ANK3: variants seen among roughly 807,000 people sequenced by gnomAD.
ANK3 encodes the protein ankyrin-3.
ANK3 carries 57 observed loss-of-function variants against 370.9 expected under a neutral mutation model. That is an observed-to-expected ratio of 0.15 (90% CI 0.12 to 0.19). The LOEUF (loss-of-function observed/expected upper bound fraction) is 0.19, where lower values mean the gene tolerates loss of function less well. ANK3 is among the 10% of genes least tolerant of loss of function. The probability of loss-of-function intolerance (pLI) is 1.00; values close to 1 mark genes in which losing one functional copy is unlikely to be tolerated. For missense variants in ANK3, 4,439 were observed against 5,302.1 expected (o/e 0.84, Z 5.06); for synonymous variants, 1,929 against 1,946.3 (o/e 0.99, Z 0.23).
intron 2 of ANK3, among the ~76,000 whole-genome samples, chr10:60,595,929 A>C (rs1306015531): frequency 6.6e-6 from 1 of 152,190 alleles, no homozygotes; most frequent in Admixed American, 6.5e-5. Flanking sequence ...CCAACAAGAA[A>C]GTAAAACAAA....
chr10:60,258,748 T>C, intron 7 of ANK3, among the ~76,000 whole-genome samples: 1 of 152,218 alleles, frequency 6.6e-6, no homozygotes, highest in Non-Finnish European at 1.5e-5. Context: ...TACAGTGCTA[T>C]AAAGAACTGC....
intron 1 of ANK3, among the ~76,000 whole-genome samples, chr10:60,653,105 T>G (rs1564493051): frequency 6.6e-6 from 1 of 152,144 alleles, no homozygotes; most frequent in Non-Finnish European, 1.5e-5. Flanking sequence ...TTCTGTACAT[T>G]TTCTGTTTTC....
At chr10:60,192,878 A>G (rs2096516446) in intron 16 of ANK3, among the ~76,000 whole-genome samples, 1 of 152,160 alleles carries the variant, frequency 6.6e-6, no homozygotes, top group Non-Finnish European at 1.5e-5. Context: ...TCAACACCCT[A>G]TATCAACATC....
At chr10:60,309,922 C>CTTTTTTTTTTTTT (rs71015785) in intron 1 of ANK3, among the ~76,000 whole-genome samples, 78 of 134,258 alleles carry the variant, frequency 5.8e-4, no homozygotes, top group South Asian at 9.7e-4. Context: ...TTTCTTTTTT[C>CTTTTTTTTTTTTT]TTTTTTTTTT....
intron 42 of ANK3, among the ~76,000 whole-genome samples, chr10:60,053,071 A>G (rs895032912): frequency 2.0e-5 from 3 of 152,220 alleles, no homozygotes; most frequent in Admixed American, 6.5e-5. Flanking sequence ...TATCCTTACA[A>G]GGAGTAAGAA....
chr10:60,038,226 G>A lies in ANK3; in HGVS notation c.*19+4446C>T, dbSNP rs145503084. Among the ~76,000 whole-genome samples, 605 of 152,200 alleles carry A rather than the reference G, an allele frequency of 4.0e-3. 4 individuals are homozygous for A. Among genetic ancestry groups the A allele is most frequent in the African/African-American group, 0.014 (566 of 41,552 alleles). ...ACCCTGGCCAACATGGTGAAACCCCGTCTCTACTAAAAATACAAAAATTAG... is the reference window on the plus strand; with the variant it reads ...ACCCTGGCCAACATGGTGAAACCCCATCTCTACTAAAAATACAAAAATTAG... On this transcript the variant is annotated intron_variant, in intron 43 of 43. Transcript: ENST00000280772.
At chr10:60,659,387 T>C (rs2078907660) in intron 1 of ANK3, among the ~76,000 whole-genome samples, 1 of 152,130 alleles carries the variant, frequency 6.6e-6, no homozygotes. Context: ...TCTTTTCTAG[T>C]TTCTATCTGC....
intron 2 of ANK3, among the ~76,000 whole-genome samples, chr10:60,466,677 C>T (rs1313137303): frequency 6.6e-6 from 1 of 152,190 alleles, no homozygotes; most frequent in Non-Finnish European, 1.5e-5. Flanking sequence ...AAATGTCCTT[C>T]AGCTGATGAA....
chr10:60,046,413 A>G (rs886657709), intron 42 of ANK3, among the ~76,000 whole-genome samples: 3 of 152,178 alleles, frequency 2.0e-5, no homozygotes, highest in African/African-American at 7.2e-5. Flanking sequence ...AATCCCTAAA[A>G]TGGTATCCTA....
chr10:60,708,067 G>A (rs950169053), intron 1 of ANK3, among the ~76,000 whole-genome samples: 2 of 152,118 alleles, frequency 1.3e-5, no homozygotes, highest in African/African-American at 2.4e-5. Context: ...CACCCCGTGT[G>A]CATTCCTCCC....
chr10:60,334,702 T>C (rs1412688689), intron 1 of ANK3, among the ~76,000 whole-genome samples: 2 of 152,152 alleles, frequency 1.3e-5, no homozygotes, highest in African/African-American at 2.4e-5. Context: ...GCTAAAAAAA[T>C]GGGAAATGTT....
intron 4 of ANK3, among the ~76,000 whole-genome samples, chr10:60,275,010 A>G (rs1370596431): frequency 6.6e-6 from 1 of 152,216 alleles, no homozygotes; most frequent in African/African-American, 2.4e-5. Context: ...ACCTAGAGCC[A>G]TAACTGTTTG....
intron 2 of ANK3, among the ~76,000 whole-genome samples, chr10:60,543,207 T>C (rs1308457650): frequency 6.6e-6 from 1 of 151,898 alleles, no homozygotes; most frequent in East Asian, 1.9e-4. Flanking sequence ...CATATATGAC[T>C]GAGAGGAAAT....
chr10:60,070,999 C>A lies in ANK3; in HGVS notation c.9882G>T (p.Gln3294His). Reference sequence around the variant, plus strand: ...GCACTCTAATGACAGGTTCAGCCAGCTGGTACTTGTCATGCTCATCTTGCA... The same window carrying A: ...GCACTCTAATGACAGGTTCAGCCAGATGGTACTTGTCATGCTCATCTTGCA... ...VNLQDEHDKY[Q>H]LAEPVIRVQP... is the part of the protein sequence containing the mutation. Residue 3294 changes from glutamine (Q) to histidine (H), a missense_variant, in exon 37 of 44, where the codon CAG (glutamine) becomes CAT (histidine). Coordinates refer to ENST00000280772, the MANE Select transcript of ANK3 (RefSeq NM_020987.5). The surrounding 1 kb of genome is among the most constrained non-coding windows in gnomAD (Gnocchi z 5.7). The A allele has an allele frequency of 6.2e-7, 1 of 1,614,130 alleles. No individual in the cohort carries two copies. The highest frequency in any genetic ancestry group is 8.5e-7 in the Non-Finnish European group (1 of 1,180,018).
At chr10:60,560,172 G>A (rs376650897) in intron 2 of ANK3, among the ~76,000 whole-genome samples, 64 of 152,124 alleles carry the variant, frequency 4.2e-4, no homozygotes, top group African/African-American at 1.5e-3. Flanking sequence ...TAAGGTATTC[G>A]GGTTAAAAGC....
chr10:60,367,358 T>A (rs575926147), intron 1 of ANK3, among the ~76,000 whole-genome samples: 2 of 152,318 alleles, frequency 1.3e-5, no homozygotes, highest in Non-Finnish European at 2.9e-5. Context: ...AAAAAGAGGA[T>A]TAGAATTTAC....
chr10:60,079,286 T>C (rs2084625771), intron 36 of ANK3, among the ~76,000 whole-genome samples: 1 of 151,966 alleles, frequency 6.6e-6, no homozygotes, highest in Non-Finnish European at 1.5e-5. Context: ...TCTGGGAGGA[T>C]TTCGACATTT....
At chr10:60,484,865 T>G (rs1482254101) in intron 2 of ANK3, among the ~76,000 whole-genome samples, 1 of 152,172 alleles carries the variant, frequency 6.6e-6, no homozygotes, top group Non-Finnish European at 1.5e-5. Flanking sequence ...ACTTTCCTTT[T>G]ATATCAAGTA....
intron 8 of ANK3, 58 bp from the exon 9 acceptor site, chr10:60,213,568 T>C (rs2096889328): frequency 1.7e-6 from 2 of 1,174,004 alleles, no homozygotes; most frequent in African/African-American, 3.0e-5. Flanking sequence ...ATGAGTGCAG[T>C]GTACTTCTTC....
Sources: allele counts gnomAD v4.1 joint callset (sites outside exome capture counted in the v4.1 genomes callset), GRCh38; gene constraint gnomAD v4.1.1; non-coding constraint Gnocchi (gnomAD v3.1); transcripts MANE v1.5; gene names NCBI Gene and HGNC (gene_info 2026-07-23, HGNC 2026-07-21).